Variants in CDS1 observed in about 807,000 individuals in gnomAD.
CDS1 encodes phosphatidate cytidylyltransferase 1.
In CDS1, 41 loss-of-function variants were observed where a neutral mutation model predicts 62.1. The ratio of observed to expected loss-of-function variants is 0.66; its 90% CI spans 0.51 to 0.86. CDS1 has a LOEUF of 0.86. CDS1 is among the 40% of genes least tolerant of loss of function. The pLI, the probability that CDS1 is intolerant of heterozygous loss-of-function variation, is 0.00. For synonymous variants in CDS1, 185 were observed against 192.6 expected, an observed-to-expected ratio of 0.96 and a Z score of 0.32; for missense variants, 470 against 550.1, an observed-to-expected ratio of 0.85 and a Z score of 1.46.
intron 5 of CDS1, among the ~76,000 whole-genome samples, chr4:84,622,307 G>C (rs1233135067): frequency 6.6e-6 from 1 of 152,098 alleles, no homozygotes; most frequent in Non-Finnish European, 1.5e-5. Flanking sequence ...AACAACTGCG[G>C]GCCAGGTGCG....
intron 1 of CDS1, among the ~76,000 whole-genome samples, chr4:84,600,902 C>G (rs1435406153): frequency 1.3e-5 from 2 of 152,104 alleles, no homozygotes; most frequent in African/African-American, 2.4e-5. Flanking sequence ...GGCACGGTGG[C>G]TCACACCTGT....
intron 1 of CDS1, among the ~76,000 whole-genome samples, chr4:84,600,409 TACTAAG>T (rs1318211657): frequency 6.6e-6 from 1 of 152,346 alleles, no homozygotes; most frequent in East Asian, 1.9e-4. Flanking sequence ...TTTGTTATCA[TACTAAG>T]AAATTTTTGC....
At chr4:84,602,527 A>C (rs72662986) in intron 1 of CDS1, among the ~76,000 whole-genome samples, 1,651 of 152,314 alleles carry the variant, frequency 0.011, 12 homozygotes, top group Middle Eastern at 0.024. Context: ...TAGTTAGAGT[A>C]GAGGTGGAAT....
intron 1 of CDS1, among the ~76,000 whole-genome samples, chr4:84,583,983 C>T (rs904864260): frequency 6.6e-6 from 1 of 152,148 alleles, no homozygotes; most frequent in Non-Finnish European, 1.5e-5. Flanking sequence ...CTTGGCTTCT[C>T]GCGCTGCCCC....
At chr4:84,626,000 T>C (rs972601706) in intron 5 of CDS1, among the ~76,000 whole-genome samples, 10 of 151,620 alleles carry the variant, frequency 6.6e-5, no homozygotes, top group Non-Finnish European at 1.5e-4. Flanking sequence ...AAACCCCATC[T>C]CTACTAAAAA....
chr4:84,583,326 C>T lies in CDS1; in HGVS notation c.-76C>T. On this transcript the variant is annotated 5_prime_UTR_variant, in exon 1 of 13. Transcript: ENST00000295887. ...CGCGGCTGCGAGGTGGCGGGGCGCCCCGCCTGCAGAACCCTGCTTGCAGCT... is the reference window on the plus strand; with the variant it reads ...CGCGGCTGCGAGGTGGCGGGGCGCCTCGCCTGCAGAACCCTGCTTGCAGCT... 1 of 1,106,160 alleles carries T rather than the reference C, an allele frequency of 9.0e-7. No homozygotes were observed. The highest frequency in any genetic ancestry group is 1.3e-6 in the Non-Finnish European group (1 of 757,400). 68.5% of individuals were successfully genotyped at this position (1,106,160 alleles called of 1,614,324 possible). A position where few individuals can be genotyped will look rare whatever the true frequency, so the allele number is the denominator to read the frequency against.
intron 5 of CDS1, among the ~76,000 whole-genome samples, chr4:84,621,976 A>G (rs1723701847): frequency 6.6e-6 from 1 of 152,176 alleles, no homozygotes; most frequent in South Asian, 2.1e-4. Context: ...GGAGAGTAAA[A>G]CACTTGACTC....
chr4:84,588,615 G>A (rs113899558), intron 1 of CDS1, among the ~76,000 whole-genome samples: 89 of 152,236 alleles, frequency 5.8e-4, no homozygotes, highest in Middle Eastern at 6.8e-3. Context: ...ATTGGTTGGG[G>A]AGGCAATTGC....
intron 4 of CDS1, among the ~76,000 whole-genome samples, chr4:84,617,878 AT>A (rs1344266524): frequency 2.0e-5 from 3 of 152,126 alleles, no homozygotes; most frequent in Non-Finnish European, 4.4e-5. Context: ...CTTTGTAGAG[AT>A]ATCTAATATG....
intron 5 of CDS1, among the ~76,000 whole-genome samples, chr4:84,625,890 G>A (rs144286915): frequency 1.1e-3 from 174 of 151,738 alleles, no homozygotes; most frequent in African/African-American, 3.6e-3. Context: ...AAAATAGGCC[G>A]GGCGCGGTGG....
chr4:84,626,107 C>T (rs1237408128), intron 5 of CDS1, among the ~76,000 whole-genome samples: 5 of 151,896 alleles, frequency 3.3e-5, no homozygotes, highest in Non-Finnish European at 7.4e-5. Flanking sequence ...GTGGAGGTTG[C>T]GGTGAGCCGA....
At position 84,606,429 on chromosome 4, in the gene CDS1, A is replaced by G. The variant is rs147883546; in HGVS notation, c.245+2059A>G. ...TTCATTCCATGGTATTATTAGGAAC[A>G]ACATTTCATGCAGGATCCTAAATAT... On this transcript the variant is annotated intron_variant, in intron 2 of 12. Transcript: ENST00000295887. Among the ~76,000 whole-genome samples, 535 of 152,248 alleles carry G rather than the reference A, an allele frequency of 3.5e-3. 4 individuals are homozygous for G. Among genetic ancestry groups the G allele is most frequent in the African/African-American group, 0.013 (522 of 41,550 alleles).
In CDS1 at chr4:84,635,255, T is replaced by TAA; in HGVS notation, c.723-5_723-4dup. 2 of 1,301,640 alleles carry TAA rather than the reference T, an allele frequency of 1.5e-6. No individual in the cohort carries two copies. The highest frequency in any genetic ancestry group is 2.1e-6 in the Non-Finnish European group (2 of 938,698). 80.6% of individuals were successfully genotyped at this position (1,301,640 alleles called of 1,614,324 possible). On this transcript the variant is annotated splice_polypyrimidine_tract_variant and intron_variant, in intron 7 of 12. Coordinates refer to ENST00000295887, the MANE Select transcript of CDS1 (RefSeq NM_001263.4). ...TTCTGCTGACTTTTTTTTTTTTTTT[T>TAA]AAAAACAGGTTCCTTGTTCCAATAT...
intron 6 of CDS1, among the ~76,000 whole-genome samples, chr4:84,632,816 CA>C (rs1724064476): frequency 6.6e-6 from 1 of 152,170 alleles, no homozygotes; most frequent in Non-Finnish European, 1.5e-5. Context: ...AAATGGGAAA[CA>C]GGTTTATTAA....
At chr4:84,588,745 A>G (rs111683594) in intron 1 of CDS1, among the ~76,000 whole-genome samples, 1,740 of 152,302 alleles carry the variant, frequency 0.011, 13 homozygotes, top group Non-Finnish European at 0.016. Flanking sequence ...AAAGTGGTCT[A>G]TCTTTTAAAA....
chr4:84,591,332 A>T (rs906149587), intron 1 of CDS1, among the ~76,000 whole-genome samples: 1 of 152,206 alleles, frequency 6.6e-6, no homozygotes, highest in Non-Finnish European at 1.5e-5. Context: ...TAAAGAACAT[A>T]GGTCATTTAA....
At position 84,638,946 on chromosome 4, in the gene CDS1, A is replaced by G; in HGVS notation, c.833A>G (p.Glu278Gly). 1 of 1,567,164 alleles carries G rather than the reference A, an allele frequency of 6.4e-7. No individual in the cohort carries two copies. ...TAGTTGTCTCCTAAAAAGACTTGGG[A>G]AGGATTCATTGGTGGTTTCTTTTCC... ...LIKLSPKKTW[E>G]GFIGGFFSTV... Residue 278 changes from glutamate (E) to glycine (G), a missense_variant, in exon 9 of 13, where the codon GAA becomes GGA. Coordinates refer to ENST00000295887, the MANE Select transcript of CDS1 (RefSeq NM_001263.4).
In CDS1 at chr4:84,583,222, C is replaced by A. The variant is rs1722302598; in HGVS notation, c.-180C>A. The stretch of plus-strand genomic sequence containing the variant: ...GGCCTCGAGCGCTCTCTCGTTGATG[C>A]CGTTTTGGAGGTGACCGGCGCGGCG... On this transcript the variant is annotated 5_prime_UTR_variant, in exon 1 of 13. Transcript: ENST00000295887. 2 of 517,104 alleles carry A rather than the reference C, an allele frequency of 3.9e-6. No individual in the cohort carries two copies. The highest frequency in any genetic ancestry group is 6.8e-6 in the Non-Finnish European group (2 of 295,078). The allele number at this position is 517,104 out of a possible 1,614,324, so 32.0% of individuals were successfully genotyped here. A position where few individuals can be genotyped will look rare whatever the true frequency, so the allele number is the denominator to read the frequency against.
At chr4:84,598,276 A>G (rs1263615725) in intron 1 of CDS1, among the ~76,000 whole-genome samples, 2 of 152,042 alleles carry the variant, frequency 1.3e-5, no homozygotes, top group South Asian at 2.1e-4. Flanking sequence ...GTGGAGCTCT[A>G]TGTCTCTGTG....
Sources: gnomAD v4.1 joint callset for allele counts (sites outside exome capture counted in the v4.1 genomes callset) on GRCh38, gnomAD v4.1.1 for gene constraint, MANE v1.5 for transcripts, NCBI Gene and HGNC (gene_info 2026-07-23, HGNC 2026-07-21) for gene names.